The following ST7 variants were observed in gnomAD, a reference collection of about 807,000 sequenced individuals.
The protein encoded by ST7 is suppression of tumorigenicity 7.
A neutral mutation model predicts 78.7 loss-of-function variants in ST7; 28 were observed. That is an observed-to-expected ratio of 0.36 (90% CI 0.26 to 0.49). The LOEUF (loss-of-function observed/expected upper bound fraction) is 0.49, where lower values mean the gene tolerates loss of function less well. Among genes scored for constraint, ST7 ranks in the 20% least tolerant of loss-of-function variants. The probability of loss-of-function intolerance (pLI) is 0.99; values close to 1 mark genes in which losing one functional copy is unlikely to be tolerated. For missense variants in ST7, 418 were observed against 696.0 expected, an observed-to-expected ratio of 0.60 and a Z score of 4.49; for synonymous variants, 247 against 249.6, an observed-to-expected ratio of 0.99 and a Z score of 0.10.
intron 1 of ST7, among the ~76,000 whole-genome samples, chr7:116,996,603 C>T (rs1199853855): frequency 6.6e-6 from 1 of 152,182 alleles, no homozygotes; most frequent in Non-Finnish European, 1.5e-5. Flanking sequence ...ATGTTCCCTA[C>T]TCCAGTCCAT....
chr7:117,080,386 C>G (rs1799681576), intron 1 of ST7, among the ~76,000 whole-genome samples: 1 of 152,072 alleles, frequency 6.6e-6, no homozygotes. Context: ...TGATCATTTT[C>G]CTGTCATTTA....
chr7:117,140,564 A>G (rs145177145), intron 9 of ST7, among the ~76,000 whole-genome samples: 1,978 of 152,162 alleles, frequency 0.013, 46 homozygotes, highest in African/African-American at 0.045. Context: ...CTCCTGATGG[A>G]CATTTTACGA....
At chr7:117,209,084 C>T (rs1274985360) in intron 12 of ST7, among the ~76,000 whole-genome samples, 2 of 152,172 alleles carry the variant, frequency 1.3e-5, no homozygotes, top group Non-Finnish European at 2.9e-5. Context: ...AGTCTTTTCT[C>T]AGCCCCCGGG....
At chr7:117,031,866 CTA>C (rs1796607585) in intron 1 of ST7, among the ~76,000 whole-genome samples, 1 of 125,646 alleles carries the variant, frequency 8.0e-6, no homozygotes, top group Non-Finnish European at 1.6e-5. Flanking sequence ...ATCTATCTAT[CTA>C]TCTATATATA....
At chr7:116,981,949 A>G (rs1024170102) in intron 1 of ST7, among the ~76,000 whole-genome samples, 1 of 152,206 alleles carries the variant, frequency 6.6e-6, no homozygotes, top group Admixed American at 6.5e-5. Context: ...TCATTAGGTG[A>G]TAGGAATCTT....
intron 9 of ST7, among the ~76,000 whole-genome samples, chr7:117,157,073 A>T (rs531138899): frequency 6.6e-6 from 1 of 152,296 alleles, no homozygotes; most frequent in South Asian, 2.1e-4. Context: ...GAGTAAGAAT[A>T]TGTAGCCAGA....
chr7:117,170,792 T>C, intron 9 of ST7, 70 bp from the exon 10 acceptor site: 2 of 597,404 alleles, frequency 3.3e-6, no homozygotes, highest in Non-Finnish European at 5.1e-6. Flanking sequence ...ATATATATAA[T>C]AAAATATGTA....
At chr7:117,077,217 A>T (rs1214462727) in intron 1 of ST7, among the ~76,000 whole-genome samples, 1 of 152,144 alleles carries the variant, frequency 6.6e-6, no homozygotes, top group African/African-American at 2.4e-5. Flanking sequence ...GGGTTTTTAT[A>T]GGCACAGGAT....
chr7:116,991,846 C>T (rs997475897), intron 1 of ST7, among the ~76,000 whole-genome samples: 7 of 152,170 alleles, frequency 4.6e-5, no homozygotes, highest in African/African-American at 7.2e-5. Context: ...AAGCTAATTA[C>T]GTCCTAGTAC....
chr7:117,179,510 C>T (rs770093662), intron 10 of ST7, among the ~76,000 whole-genome samples: 24 of 152,176 alleles, frequency 1.6e-4, no homozygotes, highest in Admixed American at 2.0e-4. Context: ...GGAGGAGTGA[C>T]GGGAGTCTTC....
intron 1 of ST7, among the ~76,000 whole-genome samples, chr7:117,043,038 A>T (rs1797310991): frequency 6.6e-6 from 1 of 152,196 alleles, no homozygotes; most frequent in Admixed American, 6.5e-5. Context: ...TTTGAACCTC[A>T]TTGCAACACA....
At chr7:117,110,564 AT>A (rs1301042207) in intron 2 of ST7, among the ~76,000 whole-genome samples, 1 of 152,202 alleles carries the variant, frequency 6.6e-6, no homozygotes, top group Non-Finnish European at 1.5e-5. Context: ...AACCCAGGCC[AT>A]CTTGTGCAGG....
chr7:117,018,166 C>T (rs1008122244), intron 1 of ST7, among the ~76,000 whole-genome samples: 5 of 152,154 alleles, frequency 3.3e-5, no homozygotes, highest in Admixed American at 1.3e-4. Flanking sequence ...ATCTCTAACC[C>T]AGGGGCCATT....
rs547048249 is a variant in ST7 at position 117,015,559 on chromosome 7, A to G, written c.151+61868A>G. ...CTAACCTTTTCCTTTTTTAAATTGC[A>G]TAGACTTGTTTCTCAATCTCTAGTT... On this transcript the variant is annotated intron_variant, in intron 1 of 15. Coordinates refer to ENST00000323984, the MANE Select transcript of ST7 (RefSeq NM_001369598.1). Among the ~76,000 whole-genome samples, 5 of 152,272 alleles carry G rather than the reference A, an allele frequency of 3.3e-5. No individual in the cohort carries two copies. In the East Asian group the frequency reaches 7.7e-4, roughly 23 times the overall value.
At chr7:117,116,382 A>G (rs1802887281) in intron 2 of ST7, among the ~76,000 whole-genome samples, 2 of 152,174 alleles carry the variant, frequency 1.3e-5, no homozygotes, top group African/African-American at 2.4e-5. Flanking sequence ...TGCACCAGGG[A>G]AAAGAATTCA....
chr7:117,120,122 C>A (rs1402723275), intron 3 of ST7, among the ~76,000 whole-genome samples: 2 of 151,930 alleles, frequency 1.3e-5, no homozygotes, highest in Non-Finnish European at 2.9e-5. Flanking sequence ...GTAGAGTGGG[C>A]TTTCGCTATG....
At chr7:117,227,124 C>A (rs193301178) in intron 15 of ST7, among the ~76,000 whole-genome samples, 4 of 152,210 alleles carry the variant, frequency 2.6e-5, no homozygotes, top group African/African-American at 9.7e-5. Context: ...TTTAAGCCAA[C>A]CTTGTAACAT....
Position 117,129,777 on chromosome 7 carries a change from T to C in ST7, c.395-16T>C. 6.2e-7 allele frequency: 1 copy of C among 1,606,244 alleles called. No individual in the cohort carries two copies. Among genetic ancestry groups the C allele is most frequent in the Non-Finnish European group, 8.5e-7 (1 of 1,174,786 alleles). On this transcript the variant is annotated splice_polypyrimidine_tract_variant and intron_variant, in intron 3 of 15. Coordinates refer to ENST00000323984, the MANE Select transcript of ST7 (RefSeq NM_001369598.1). ...TGAACTTACGCGTAACATTTTCATA[T>C]TTCTCTTTGTTGCAGAATGCAAAGT...
chr7:116,972,449 G>T (rs995144461), intron 1 of ST7: 7 of 764,708 alleles, frequency 9.2e-6, no homozygotes, highest in Middle Eastern at 2.5e-4. Flanking sequence ...TCCATCTCTC[G>T]GCAACGGTAC....
Sources: allele counts gnomAD v4.1 joint callset (sites outside exome capture counted in the v4.1 genomes callset), GRCh38; gene constraint gnomAD v4.1.1; transcripts MANE v1.5; gene names NCBI Gene and HGNC (gene_info 2026-07-23, HGNC 2026-07-21).